Variants in ACACB observed in about 807,000 individuals in gnomAD.
The protein encoded by ACACB is acetyl-CoA carboxylase 2.
ACACB carries 209 observed loss-of-function variants against 278.8 expected under a neutral mutation model. The ratio of observed to expected loss-of-function variants is 0.75; its 90% confidence interval spans 0.67 to 0.84. ACACB has a LOEUF of 0.84. Among genes scored for constraint, ACACB ranks in the 40% least tolerant of loss-of-function variants. ACACB has a pLI of 0.00. For missense variants in ACACB, 2,850 were observed against 3,269.0 expected, an observed-to-expected ratio of 0.87 and a Z score of 3.13; for synonymous variants, 1,174 against 1,285.6, an observed-to-expected ratio of 0.91 and a Z score of 1.86.
chr12:109,129,935 A>G (rs1565847230), intron 1 of ACACB, among the ~76,000 whole-genome samples: 1 of 152,250 alleles, frequency 6.6e-6, no homozygotes, highest in East Asian at 1.9e-4. Context: ...TGTTTGGTGC[A>G]GCAGGAAGGG....
intron 24 of ACACB, 68 bp downstream of exon 24, chr12:109,216,988 G>A: frequency 6.4e-7 from 1 of 1,554,488 alleles, no homozygotes; most frequent in Non-Finnish European, 8.7e-7. Flanking sequence ...TTTCTTAAAA[G>A]GGCCAGAAAG....
At chr12:109,211,392 G>C (rs1157706505) in intron 21 of ACACB, among the ~76,000 whole-genome samples, 1 of 143,750 alleles carries the variant, frequency 7.0e-6, no homozygotes, top group Non-Finnish European at 1.5e-5. Context: ...TGGGATTACA[G>C]GTGTACACCA....
intron 2 of ACACB, among the ~76,000 whole-genome samples, chr12:109,159,348 G>A (rs1219618244): frequency 6.6e-6 from 1 of 152,138 alleles, no homozygotes; most frequent in Non-Finnish European, 1.5e-5. Context: ...AAAAGAGAGG[G>A]AAGAAATTGA....
chr12:109,219,355 G>A (rs577140604), intron 24 of ACACB, among the ~76,000 whole-genome samples: 4 of 152,250 alleles, frequency 2.6e-5, no homozygotes, highest in Admixed American at 1.3e-4. Flanking sequence ...AAAATCTCAC[G>A]CAGCAGCTTT....
At position 109,265,265 on chromosome 12, in the gene ACACB, G is replaced by GGA; in HGVS notation, c.7100_7101dup (p.Gly2368ArgfsTer40). On this transcript the variant is annotated frameshift_variant, in exon 51 of 53. Coordinates refer to ENST00000338432, the MANE Select transcript of ACACB (RefSeq NM_001093.4). LOFTEE classifies it high-confidence loss of function. Reference sequence around the variant, plus strand: ...TGCTGCGTCGCTGGTTCGTGGAGACGGAGGGGGCTGTCAAGGTGGGCCTGG... The same window carrying GGA: ...TGCTGCGTCGCTGGTTCGTGGAGACGGAGAGGGGGCTGTCAAGGTGGGCCTGG... 1 of 1,613,030 alleles carries GGA rather than the reference G, an allele frequency of 6.2e-7. No homozygotes were observed. The highest frequency in any genetic ancestry group is 8.5e-7 in the Non-Finnish European group (1 of 1,179,944).
chr12:109,143,698 T>C (rs1326894808), intron 2 of ACACB, among the ~76,000 whole-genome samples: 3 of 152,166 alleles, frequency 2.0e-5, no homozygotes, highest in African/African-American at 4.8e-5. Context: ...AATCAGGGGC[T>C]TCTGACAGAG....
intron 47 of ACACB, chr12:109,260,225 G>A: frequency 7.2e-7 from 1 of 1,384,846 alleles, no homozygotes. Flanking sequence ...TTCAATTCCA[G>A]TTGGAAAGAA....
At chr12:109,185,840 G>C in intron 12 of ACACB, 100 bp downstream of exon 12, 1 of 1,243,880 alleles carries the variant, frequency 8.0e-7, no homozygotes, top group South Asian at 1.7e-5. Context: ...AAGCTATCCA[G>C]GCATCTCAGT....
At chr12:109,210,169 A>G (rs1382593503) in intron 21 of ACACB, among the ~76,000 whole-genome samples, 3 of 42,512 alleles carry the variant, frequency 7.1e-5, no homozygotes, top group Non-Finnish European at 1.5e-4. Context: ...GTGTATATGT[A>G]TATATGTATA....
chr12:109,116,322 A>G (rs2042403336), upstream of ACACB, among the ~76,000 whole-genome samples: 1 of 152,198 alleles, frequency 6.6e-6, no homozygotes, highest in African/African-American at 2.4e-5. Flanking sequence ...GAGGGCCCAG[A>G]TGACTTTCTG....
In ACACB at chr12:109,241,312, G is replaced by C. The variant is rs774324604; in HGVS notation, c.5022+31G>C. 2.5e-6 allele frequency: 4 copies of C among 1,603,110 alleles called. No homozygotes were observed. In the East Asian group the frequency reaches 6.7e-5, roughly 27 times the overall value. ...GCTGGCCCGCGCCGTGGGGGTCTAA[G>C]TCAAAGCAGAAGCAGGCTGCTTGGG... On this transcript the variant is annotated intron_variant, in intron 36 of 52. Transcript: ENST00000338432.
intron 4 of ACACB, among the ~76,000 whole-genome samples, chr12:109,168,750 G>A (rs550240384): frequency 2.0e-5 from 3 of 152,226 alleles, no homozygotes; most frequent in Admixed American, 6.5e-5. Flanking sequence ...TCAGCCCAGG[G>A]GGTCTAGGCT....
Position 109,172,317 on chromosome 12 carries a change from C to T in ACACB, c.1078C>T (p.Leu360Phe), listed in dbSNP as rs1370918967. Residue 360 changes from leucine (L) to phenylalanine (F), a missense_variant, in exon 6 of 53, where the codon CTT (leucine) becomes TTT (phenylalanine). Leu to Phe is a conservative substitution (Grantham distance 22). Around this residue, in one of 3 missense-constraint regions of ACACB, gnomAD observed 2,265 missense variants for 2,561.3 expected, o/e 0.88. Coordinates refer to ENST00000338432, the MANE Select transcript of ACACB (RefSeq NM_001093.4). Reference sequence around the variant, plus strand: ...GGGCCATGCTTCAGAAAACCCTAAACTTCCGGAGCTGCTGTGCAAGAATGG... The same window carrying T: ...GGGCCATGCTTCAGAAAACCCTAAATTTCCGGAGCTGCTGTGCAAGAATGG... ...GWGHASENPK[L>F]PELLCKNGVA... 3 of 1,614,150 alleles carry T rather than the reference C, an allele frequency of 1.9e-6. No homozygotes were observed. The highest frequency in any genetic ancestry group is 2.5e-6 in the Non-Finnish European group (3 of 1,180,044).
chr12:109,224,224 A>G (rs1051148043), intron 27 of ACACB, among the ~76,000 whole-genome samples: 1 of 152,052 alleles, frequency 6.6e-6, no homozygotes, highest in African/African-American at 2.4e-5. Flanking sequence ...GGGCACATTA[A>G]ATACTAATCC....
chr12:109,148,729 A>G (rs990957403), intron 2 of ACACB, among the ~76,000 whole-genome samples: 6 of 152,202 alleles, frequency 3.9e-5, no homozygotes, highest in Non-Finnish European at 5.9e-5. Flanking sequence ...TAACATGCTT[A>G]GAATAGTTCC....
chr12:109,228,832 C>G (rs931198941), intron 28 of ACACB, among the ~76,000 whole-genome samples: 7 of 152,130 alleles, frequency 4.6e-5, no homozygotes. Flanking sequence ...GCATTTTAGA[C>G]AGTGCCTGGC....
intron 7 of ACACB, among the ~76,000 whole-genome samples, chr12:109,174,960 C>T (rs529166155): frequency 6.1e-4 from 93 of 152,112 alleles, no homozygotes; most frequent in Non-Finnish European, 1.1e-3. Flanking sequence ...ACACTTTACA[C>T]CATTTAAGAT....
intron 1 of ACACB, among the ~76,000 whole-genome samples, chr12:109,122,589 A>T (rs958997304): frequency 1.2e-4 from 18 of 151,692 alleles, no homozygotes; most frequent in Admixed American, 1.1e-3. Context: ...AAAAAAAAAA[A>T]AAAAAAAAGA....
At chr12:109,209,954 T>C (rs2045657985) in intron 21 of ACACB, among the ~76,000 whole-genome samples, 1 of 91,036 alleles carries the variant, frequency 1.1e-5, no homozygotes, top group South Asian at 3.3e-4. Flanking sequence ...CACGTGTGTG[T>C]ATATATGTGT....
Sources: allele counts gnomAD v4.1 joint callset (sites outside exome capture counted in the v4.1 genomes callset), GRCh38; gene constraint gnomAD v4.1.1; regional missense constraint gnomAD v4.1.1; transcripts MANE v1.5; gene names NCBI Gene and HGNC (gene_info 2026-07-23, HGNC 2026-07-21).